The following TMEM132B variants were observed in gnomAD, a reference collection of about 807,000 sequenced individuals.
The protein encoded by TMEM132B is transmembrane protein 132B.
TMEM132B carries 18 observed loss-of-function variants against 90.8 expected under a neutral mutation model. The ratio of observed to expected loss-of-function variants is 0.20; its 90% CI spans 0.14 to 0.29. The LOEUF is 0.29. Among genes scored for constraint, TMEM132B ranks in the 10% least tolerant of loss-of-function variants. The pLI is 1.00. For synonymous variants in TMEM132B, 504 were observed against 523.3 expected (o/e 0.96, Z 0.50); for missense variants, 1,096 against 1,326.8 (o/e 0.83, Z 2.70).
chr12:125,385,424 C>T (rs1431576016), intron 2 of TMEM132B, among the ~76,000 whole-genome samples: 3 of 152,118 alleles, frequency 2.0e-5, no homozygotes, highest in African/African-American at 4.8e-5. Context: ...TGTTTCACAT[C>T]GTGCCAAGGA....
chr12:125,496,819 G>T (rs562749710), intron 3 of TMEM132B, among the ~76,000 whole-genome samples: 2 of 152,308 alleles, frequency 1.3e-5, no homozygotes, highest in South Asian at 2.1e-4. Context: ...TGTAGGCCTT[G>T]CGAGGACCAC....
Position 125,458,066 on chromosome 12 carries a change from G to A in TMEM132B, c.1106+42389G>A, listed in dbSNP as rs1257726063. On this transcript the variant is annotated intron_variant, in intron 3 of 8. Coordinates refer to ENST00000682704, the MANE Select transcript of TMEM132B (RefSeq NM_001366854.1). The surrounding 1 kb of genome is among the most constrained non-coding windows in gnomAD (Gnocchi z 4.9). ...AGAAGGAGGCAGAGGGTGGTCATGA[G>A]GCAAGGTGAGTAAGGTGTGACGAGT... Among the ~76,000 whole-genome samples the A allele has an allele frequency of 1.3e-5, 2 of 152,128 alleles. No individual in the cohort carries two copies. Among genetic ancestry groups the A allele is most frequent in the African/African-American group, 2.4e-5 (1 of 41,404 alleles).
At chr12:125,526,353 C>T (rs1023613453) in intron 4 of TMEM132B, among the ~76,000 whole-genome samples, 1 of 152,230 alleles carries the variant, frequency 6.6e-6, no homozygotes, top group Non-Finnish European at 1.5e-5. Context: ...CTGTGCCATC[C>T]CTCATTTCTC....
chr12:125,514,337 C>T (rs1372955272), intron 3 of TMEM132B, among the ~76,000 whole-genome samples: 1 of 152,198 alleles, frequency 6.6e-6, no homozygotes, highest in African/African-American at 2.4e-5. Context: ...AGCAGTAGTA[C>T]AGGCACGTCT....
At chr12:125,278,475 A>AACTT (rs1229057592) in intron 1 of TMEM132B, among the ~76,000 whole-genome samples, 2 of 100,744 alleles carry the variant, frequency 2.0e-5, no homozygotes, top group Non-Finnish European at 3.7e-5. Flanking sequence ...GGGAATCTCC[A>AACTT]TCTTTTTTTT....
At chr12:125,243,032 TACACACACACACACAC>T (rs765539161) in intron 1 of TMEM132B, among the ~76,000 whole-genome samples, 2 of 135,026 alleles carry the variant, frequency 1.5e-5, no homozygotes, top group Non-Finnish European at 1.6e-5. Flanking sequence ...TATATATATA[TACACACACACACACAC>T]ACACATACAT....
intron 2 of TMEM132B, among the ~76,000 whole-genome samples, chr12:125,359,378 A>G (rs190711221): frequency 1.3e-5 from 2 of 152,336 alleles, no homozygotes; most frequent in Admixed American, 6.5e-5. Flanking sequence ...ACTGTTAAAT[A>G]TGTACCATTA....
intron 3 of TMEM132B, among the ~76,000 whole-genome samples, chr12:125,429,367 T>C (rs1566033614): frequency 6.8e-5 from 1 of 14,666 alleles, no homozygotes; most frequent in Admixed American, 2.0e-3. Flanking sequence ...GCCTAGATAA[T>C]TTTTTTTTTT....
rs1483126589 is a variant in TMEM132B at position 125,505,211 on chromosome 12, T to A, written c.1107-14228T>A. 4.5e-5 allele frequency among the ~76,000 whole-genome samples: 6 copies of A among 134,066 alleles called. No individual in the cohort carries two copies. In the East Asian group the frequency reaches 1.1e-3, roughly 24 times the overall value. 88.0% of individuals were successfully genotyped at this position (134,066 alleles called of 152,430 possible). Reference sequence around the variant, plus strand: ...AAAAAAAAAACAGTAAGTGGGGACTTGTGCAAAGGTGACCCAGATAATGGA... The same window carrying A: ...AAAAAAAAAACAGTAAGTGGGGACTAGTGCAAAGGTGACCCAGATAATGGA... On this transcript the variant is annotated intron_variant, in intron 3 of 8. Coordinates refer to ENST00000682704, the MANE Select transcript of TMEM132B (RefSeq NM_001366854.1).
intron 2 of TMEM132B, among the ~76,000 whole-genome samples, chr12:125,386,942 A>T (rs1370591261): frequency 6.6e-6 from 1 of 152,154 alleles, no homozygotes; most frequent in Non-Finnish European, 1.5e-5. Flanking sequence ...TTTACTTTGT[A>T]TTCCTCTGGG....
At chr12:125,374,777 A>G (rs535465880) in intron 2 of TMEM132B, among the ~76,000 whole-genome samples, 3 of 152,212 alleles carry the variant, frequency 2.0e-5, no homozygotes, top group East Asian at 3.9e-4. Flanking sequence ...AAACAGATAG[A>G]AAAAAGAGAT....
At chr12:125,607,112 C>T (rs977172997) in intron 5 of TMEM132B, among the ~76,000 whole-genome samples, 16 of 152,102 alleles carry the variant, frequency 1.1e-4, no homozygotes, top group Admixed American at 5.9e-4. Flanking sequence ...TGATTCTGTC[C>T]ATAGAGGGTT....
intron 4 of TMEM132B, among the ~76,000 whole-genome samples, chr12:125,570,170 C>T (rs535060355): frequency 1.3e-5 from 2 of 152,354 alleles, no homozygotes; most frequent in Admixed American, 1.3e-4. Context: ...AAGAAGTTTG[C>T]AGTCTAGTGA....
Position 125,330,338 on chromosome 12 carries a change from T to C in TMEM132B, c.68-19114T>C, listed in dbSNP as rs1361718438. On this transcript the variant is annotated intron_variant, in intron 1 of 8. Transcript: ENST00000682704. ...GTGCTTTGTTTAAGGGGTTTCTTTT[T>C]TTTTTTTTTTTTTGCAGCCATGAAG... Among the ~76,000 whole-genome samples, 1,036 of 150,244 alleles carry C rather than the reference T, an allele frequency of 6.9e-3. 10 individuals carry two copies. The highest frequency in any genetic ancestry group is 0.024 in the African/African-American group (968 of 41,148).
intron 5 of TMEM132B, among the ~76,000 whole-genome samples, chr12:125,638,476 T>C (rs932625910): frequency 1.3e-5 from 2 of 152,210 alleles, no homozygotes; most frequent in African/African-American, 4.8e-5. Flanking sequence ...ACATACAAAG[T>C]GATTCAGATG....
intron 4 of TMEM132B, among the ~76,000 whole-genome samples, chr12:125,528,695 C>A (rs911196719): frequency 6.6e-6 from 1 of 152,346 alleles, no homozygotes; most frequent in South Asian, 2.1e-4. Context: ...AGTCAAAAAT[C>A]TCAGTATAAC....
intron 3 of TMEM132B, among the ~76,000 whole-genome samples, chr12:125,431,429 G>A (rs1477105682): frequency 6.6e-6 from 1 of 152,156 alleles, no homozygotes; most frequent in Non-Finnish European, 1.5e-5. Flanking sequence ...CAGCCCCCTG[G>A]GAAGGATTTA....
rs148587817 is a variant in TMEM132B at position 125,559,413 on chromosome 12, C to T, written c.1294-24438C>T. Among the ~76,000 whole-genome samples the T allele has an allele frequency of 6.6e-3, 1,002 of 152,264 alleles. 15 individuals are homozygous for T. The highest frequency in any genetic ancestry group is 0.022 in the African/African-American group (904 of 41,536). On this transcript the variant is annotated intron_variant, in intron 4 of 8. Coordinates refer to ENST00000682704, the MANE Select transcript of TMEM132B (RefSeq NM_001366854.1). ...CAAGTTCTTCCCTTTATCACAAAGC[C>T]ATACTGCAGGTACAGGGTCTGAAAA...
At chr12:125,538,872 C>T (rs1883882049) in intron 4 of TMEM132B, among the ~76,000 whole-genome samples, 1 of 152,094 alleles carries the variant, frequency 6.6e-6, no homozygotes, top group South Asian at 2.1e-4. Flanking sequence ...CCCCGGATGC[C>T]TCTCCATTTT....
Sources: gnomAD v4.1 joint callset for allele counts (sites outside exome capture counted in the v4.1 genomes callset) on GRCh38, gnomAD v4.1.1 for gene constraint, Gnocchi (gnomAD v3.1) non-coding constraint, MANE v1.5 for transcripts, NCBI Gene and HGNC (gene_info 2026-07-23, HGNC 2026-07-21) for gene names.